TLL2: variants seen among roughly 807,000 people sequenced by gnomAD.
The protein encoded by TLL2 is tolloid-like protein 2.
In TLL2, 106 loss-of-function variants were observed where a neutral mutation model predicts 123.0. That is an observed-to-expected ratio of 0.86 (90% CI 0.74 to 1.01). TLL2 has a LOEUF of 1.01. Among genes scored for constraint, TLL2 ranks in the 50% least tolerant of loss-of-function variants. TLL2 has a pLI of 0.00. For synonymous variants in TLL2, 494 were observed against 516.8 expected (o/e 0.96, Z 0.60); for missense variants, 1,332 against 1,336.7 (o/e 1.00, Z 0.06).
At chr10:96,404,717 TTA>T (rs150961423) in intron 10 of TLL2, among the ~76,000 whole-genome samples, 26 of 150,686 alleles carry the variant, frequency 1.7e-4, no homozygotes, top group Middle Eastern at 3.5e-3. Flanking sequence ...AATGCCTGCA[TTA>T]TATATATATA....
At chr10:96,424,965 C>G (rs1323474695) in intron 5 of TLL2, among the ~76,000 whole-genome samples, 2 of 149,368 alleles carry the variant, frequency 1.3e-5, no homozygotes, top group African/African-American at 4.9e-5. Flanking sequence ...TTTGATCTAG[C>G]TAGAATAGTT....
chr10:96,506,244 C>A (rs1233446749), intron 1 of TLL2, among the ~76,000 whole-genome samples: 1 of 76,546 alleles, frequency 1.3e-5, no homozygotes, highest in Non-Finnish European at 2.3e-5. Context: ...AGAGCGAGAC[C>A]CCATCTCAAA....
At chr10:96,390,392 C>A (rs1191258856) in intron 13 of TLL2, among the ~76,000 whole-genome samples, 1 of 152,190 alleles carries the variant, frequency 6.6e-6, no homozygotes, top group Non-Finnish European at 1.5e-5. Context: ...GGCATAGGAC[C>A]AAAATGGCCC....
rs763199946 is a variant in TLL2 at position 96,513,527 on chromosome 10, G to A, written c.159C>T (p.His53=). The change falls in exon 1 of 21, where the codon CAC becomes CAT. Residue 53 remains histidine, a synonymous_variant. Coordinates refer to ENST00000357947, the MANE Select transcript of TLL2 (RefSeq NM_012465.4). ...GGCACCTACCGGCTTTGCAAGGGTC[G>A]TGGTAATGCTCCAGCTGCTGCTCCG... is the stretch of plus-strand genomic sequence containing the variant. ...EGTEQQLEHY[H]DPCKAAVFWG... is the part of the protein sequence containing the mutation. The A allele has an allele frequency of 9.3e-6, 15 of 1,612,496 alleles. 1 individual carries two copies. The highest frequency in any genetic ancestry group is 3.3e-4 in the Middle Eastern group (2 of 6,084).
intron 9 of TLL2, among the ~76,000 whole-genome samples, chr10:96,408,448 G>T (rs1422250013): frequency 6.6e-6 from 1 of 152,184 alleles, no homozygotes; most frequent in Non-Finnish European, 1.5e-5. Flanking sequence ...TCTGTCCCCA[G>T]TTAGCACTAA....
intron 7 of TLL2, among the ~76,000 whole-genome samples, chr10:96,420,205 C>G (rs1846605783): frequency 6.6e-6 from 1 of 152,188 alleles, no homozygotes; most frequent in African/African-American, 2.4e-5. Flanking sequence ...TTCTCTGTGA[C>G]TCCTTTAACT....
At chr10:96,472,380 G>A (rs1564914051) in intron 2 of TLL2, among the ~76,000 whole-genome samples, 1 of 152,210 alleles carries the variant, frequency 6.6e-6, no homozygotes, top group Non-Finnish European at 1.5e-5. Context: ...CTAGTGAAAT[G>A]AGGAAGCCAT....
chr10:96,488,791 G>C (rs1178514620), intron 1 of TLL2, among the ~76,000 whole-genome samples: 1 of 152,136 alleles, frequency 6.6e-6, no homozygotes, highest in Non-Finnish European at 1.5e-5. Context: ...TCAAGTCCAG[G>C]ACCACTCATA....
intron 1 of TLL2, among the ~76,000 whole-genome samples, chr10:96,489,055 G>A (rs559229595): frequency 1.7e-4 from 26 of 152,274 alleles, no homozygotes; most frequent in Admixed American, 3.9e-4. Flanking sequence ...AGCAAAGAGC[G>A]CTGTGACTAA....
At chr10:96,370,461 A>T (rs1294394446) in intron 19 of TLL2, 146 bp from the exon 20 acceptor site, 1 of 1,178,558 alleles carries the variant, frequency 8.5e-7, no homozygotes, top group Non-Finnish European at 1.1e-6. Flanking sequence ...ATGGAGGAGT[A>T]CACAGAGGCC....
At position 96,473,935 on chromosome 10, in the gene TLL2, G is replaced by C. The variant is rs576293235; in HGVS notation, c.286+6414C>G. ...TGTCTAAGAACTCAGGAATGGGGCTGTCAGGTTCAGCCACTCTCGTATCGA... is the reference window on the plus strand; with the variant it reads ...TGTCTAAGAACTCAGGAATGGGGCTCTCAGGTTCAGCCACTCTCGTATCGA... On this transcript the variant is annotated intron_variant, in intron 2 of 20. Coordinates refer to ENST00000357947, the MANE Select transcript of TLL2 (RefSeq NM_012465.4). Among the ~76,000 whole-genome samples, 4 of 152,294 alleles carry C rather than the reference G, an allele frequency of 2.6e-5. No homozygotes were observed. In the South Asian group the frequency reaches 8.3e-4, roughly 32 times the overall value.
rs1381255746 is a variant in TLL2, at chr10:96,450,200, TGGAC to T, written c.287-4036_287-4033del. On this transcript the variant is annotated intron_variant, in intron 2 of 20. Coordinates refer to ENST00000357947, the MANE Select transcript of TLL2 (RefSeq NM_012465.4). The stretch of plus-strand genomic sequence containing the variant: ...ATGGATGGATGGATGGATGGATGGA[TGGAC>T]ATACGAGTCACGTAGGCAGTGTTTA... Among the ~76,000 whole-genome samples, 1,197 of 150,958 alleles carry T rather than the reference TGGAC, an allele frequency of 7.9e-3. 12 individuals are homozygous for T. Among genetic ancestry groups the T allele is most frequent in the African/African-American group, 0.028 (1,136 of 41,162 alleles).
At chr10:96,510,400 C>T (rs1396510371) in intron 1 of TLL2, among the ~76,000 whole-genome samples, 1 of 152,204 alleles carries the variant, frequency 6.6e-6, no homozygotes, top group Non-Finnish European at 1.5e-5. Flanking sequence ...TTCCACTCCC[C>T]CGTCACTTGA....
chr10:96,430,956 T>C (rs1300949925), intron 4 of TLL2, among the ~76,000 whole-genome samples: 2 of 152,240 alleles, frequency 1.3e-5, no homozygotes, highest in African/African-American at 4.8e-5. Context: ...CCATTTTTTT[T>C]CTGACATCTT....
chr10:96,406,990 C>A (rs1846457719), intron 9 of TLL2, among the ~76,000 whole-genome samples: 2 of 152,018 alleles, frequency 1.3e-5, no homozygotes, highest in African/African-American at 4.8e-5. Flanking sequence ...CACACGATTC[C>A]TGGACTCCTC....
chr10:96,446,037 T>C (rs1255454095), intron 3 of TLL2, 54 bp downstream of exon 3: 3 of 1,569,910 alleles, frequency 1.9e-6, no homozygotes, highest in Middle Eastern at 1.7e-4. Flanking sequence ...CGTGTATTTT[T>C]CCACAACTGA....
chr10:96,404,154 C>G (rs1400010694), intron 10 of TLL2, among the ~76,000 whole-genome samples: 4 of 152,318 alleles, frequency 2.6e-5, no homozygotes, highest in African/African-American at 9.6e-5. Context: ...TGCCGGTCCC[C>G]TGGGCCCACT....
At chr10:96,445,951 G>T in intron 3 of TLL2, 140 bp downstream of exon 3, 1 of 842,706 alleles carries the variant, frequency 1.2e-6, no homozygotes, top group South Asian at 1.6e-5. Context: ...ACTCAATAGG[G>T]GTAATGGTTA....
chr10:96,464,880 G>C (rs1020477772), intron 2 of TLL2, among the ~76,000 whole-genome samples: 2 of 152,082 alleles, frequency 1.3e-5, no homozygotes, highest in Admixed American at 6.5e-5. Flanking sequence ...AAGCAGAAAG[G>C]GTTGCCTACA....
Sources: gnomAD v4.1 joint callset for allele counts (sites outside exome capture counted in the v4.1 genomes callset) on GRCh38, gnomAD v4.1.1 for gene constraint, MANE v1.5 for transcripts, NCBI Gene and HGNC (gene_info 2026-07-23, HGNC 2026-07-21) for gene names.